Variants in CEP350 observed in about 807,000 individuals in gnomAD.
CEP350 encodes centrosome-associated protein 350.
Under a neutral mutation model 331.8 loss-of-function variants are expected in CEP350, and 126 were observed. That is an observed-to-expected ratio of 0.38 (90% CI 0.33 to 0.44). CEP350 has a LOEUF of 0.44. Ranked by LOEUF, CEP350 falls within the 20% of genes least tolerant of loss-of-function variation. The pLI, the probability that CEP350 is intolerant of heterozygous loss-of-function variation, is 1.00. For synonymous variants in CEP350, 1,200 were observed against 1,259.5 expected (o/e 0.95, Z 1.00); for missense variants, 3,406 against 3,634.6 (o/e 0.94, Z 1.62).
At chr1:179,962,541 C>T (rs1558063953) in intron 1 of CEP350, among the ~76,000 whole-genome samples, 1 of 152,146 alleles carries the variant, frequency 6.6e-6, no homozygotes, top group East Asian at 1.9e-4. Flanking sequence ...TCCTGAGTAG[C>T]TGGGATTACA....
chr1:179,984,059 G>A (rs963511555), intron 1 of CEP350, among the ~76,000 whole-genome samples: 1 of 152,164 alleles, frequency 6.6e-6, no homozygotes. Context: ...TGTATTTCAA[G>A]AGCAGCATGT....
In CEP350 at chr1:180,054,454, G is replaced by C. The variant is rs774049797; in HGVS notation, c.5214G>C (p.Pro1738=). The change falls in exon 25 of 38, where the codon CCG becomes CCC. Residue 1738 remains proline (P), a synonymous_variant. Coordinates refer to ENST00000367607, the MANE Select transcript of CEP350 (RefSeq NM_014810.5). The part of the protein sequence containing the change: ...RDKGEDDKMP[P]LRKKQRGLLL... ...AAGGAGAGGATGATAAAATGCCCCC[G>C]CTCCGGAAGAAACAGCGTGGTTTGC... The C allele has an allele frequency of 6.2e-7, 1 of 1,601,278 alleles. No homozygotes were observed. Among genetic ancestry groups the C allele is most frequent in the South Asian group, 1.1e-5 (1 of 88,286 alleles).
At chr1:180,054,949 A>G (rs1657725351) in intron 25 of CEP350, among the ~76,000 whole-genome samples, 1 of 152,172 alleles carries the variant, frequency 6.6e-6, no homozygotes, top group Non-Finnish European at 1.5e-5. Context: ...ATGGTGGTGT[A>G]GTGGTAAAGA....
At chr1:179,982,701 C>A (rs1210630479) in intron 1 of CEP350, among the ~76,000 whole-genome samples, 6 of 152,094 alleles carry the variant, frequency 3.9e-5, no homozygotes, top group Non-Finnish European at 7.4e-5. Context: ...AATTTTTTGT[C>A]TAATCATTGA....
intron 37 of CEP350, among the ~76,000 whole-genome samples, chr1:180,110,121 G>T (rs1661393337): frequency 6.6e-6 from 1 of 151,994 alleles, no homozygotes; most frequent in Non-Finnish European, 1.5e-5. Flanking sequence ...TATTACATTT[G>T]AAAAATACCC....
Position 180,053,946 on chromosome 1 carries a change from T to G in CEP350, c.5174+12T>G. On this transcript the variant is annotated intron_variant, in intron 24 of 37. Coordinates refer to ENST00000367607, the MANE Select transcript of CEP350 (RefSeq NM_014810.5). ...GAGCATCAAAAAAAGTAAGTTCTTTTGAGCAGTTTTCACTAATTTCTTCAT... is the reference window on the plus strand; with the variant it reads ...GAGCATCAAAAAAAGTAAGTTCTTTGGAGCAGTTTTCACTAATTTCTTCAT... 1 of 1,527,334 alleles carries G rather than the reference T, an allele frequency of 6.5e-7. No individual in the cohort carries two copies. The highest frequency in any genetic ancestry group is 8.8e-7 in the Non-Finnish European group (1 of 1,136,228). The allele number at this position is 1,527,334 out of a possible 1,614,324, so 94.6% of individuals were successfully genotyped here. A position where few individuals can be genotyped will look rare whatever the true frequency, so the allele number is the denominator to read the frequency against.
In CEP350 at chr1:180,031,259, A is replaced by G. The variant is rs573206355; in HGVS notation, c.3551-61A>G. On this transcript the variant is annotated intron_variant, in intron 14 of 37. Coordinates refer to ENST00000367607, the MANE Select transcript of CEP350 (RefSeq NM_014810.5). Reference sequence around the variant, plus strand: ...TTATTTTATTGAAATCTATATATCAATTATCTCTCTCAATAACTTCTAATA... The same window carrying G: ...TTATTTTATTGAAATCTATATATCAGTTATCTCTCTCAATAACTTCTAATA... 8.9e-5 allele frequency: 87 copies of G among 972,922 alleles called. 3 individuals carry two copies. In the South Asian group the frequency reaches 1.1e-3, roughly 13 times the overall value. 60.3% of individuals were successfully genotyped at this position (972,922 alleles called of 1,614,324 possible). A position where few individuals can be genotyped will look rare whatever the true frequency, so the allele number is the denominator to read the frequency against.
At chr1:180,044,896 G>GA (rs71118429) in intron 21 of CEP350, among the ~76,000 whole-genome samples, 82,583 of 145,468 alleles carry the variant, frequency 0.57, 24,885 homozygotes, top group East Asian at 0.72. Flanking sequence ...TTGATTATAG[G>GA]AAAAAAAAAA....
chr1:179,965,620 T>C (rs929911937), intron 1 of CEP350, among the ~76,000 whole-genome samples: 23 of 137,654 alleles, frequency 1.7e-4, no homozygotes, highest in African/African-American at 3.4e-4. Flanking sequence ...CTTTTCTTTT[T>C]TTTTTTTTTT....
At position 179,954,847 on chromosome 1, in the gene CEP350, C is replaced by G; in HGVS notation, c.-309C>G. The G allele has an allele frequency of 2.3e-6, 1 of 430,318 alleles. No homozygotes were observed. The highest frequency in any genetic ancestry group is 4.1e-6 in the Non-Finnish European group (1 of 245,784). 26.7% of individuals were successfully genotyped at this position (430,318 alleles called of 1,614,324 possible). On this transcript the variant is annotated 5_prime_UTR_variant, in exon 1 of 38. Transcript: ENST00000367607. ...GTAATGGCGACTGGGCCGCCCCTGACGAAGTGACTCCCGGGCCGGGGAGCG... is the reference window on the plus strand; with the variant it reads ...GTAATGGCGACTGGGCCGCCCCTGAGGAAGTGACTCCCGGGCCGGGGAGCG...
chr1:180,031,231 T>C, intron 14 of CEP350, 89 bp from the exon 15 acceptor site: 2 of 717,828 alleles, frequency 2.8e-6, no homozygotes, highest in East Asian at 3.1e-5. Flanking sequence ...TTTATACTTT[T>C]TGTTATTTTA....
intron 15 of CEP350, 104 bp downstream of exon 15, chr1:180,031,598 G>C: frequency 2.2e-6 from 1 of 457,044 alleles, no homozygotes; most frequent in Middle Eastern, 6.5e-4. Flanking sequence ...CCTTAACTGT[G>C]CATGTCTGAG....
chr1:180,061,646 T>G (rs1333276524), intron 25 of CEP350, among the ~76,000 whole-genome samples: 2 of 152,248 alleles, frequency 1.3e-5, no homozygotes, highest in Non-Finnish European at 2.9e-5. Context: ...TAGTCTTAAA[T>G]GTTTCTGGTA....
chr1:180,084,225 G>A (rs1340579937), intron 31 of CEP350, 47 bp downstream of exon 31: 1 of 1,453,724 alleles, frequency 6.9e-7, no homozygotes. Context: ...TAATGTGTAT[G>A]TGACGTCTAA....
At position 180,111,305 on chromosome 1, in the gene CEP350, A is replaced by G. The variant is rs1661458568; in HGVS notation, c.*144A>G. On this transcript the variant is annotated 3_prime_UTR_variant, in exon 38 of 38. Transcript: ENST00000367607. ...AGACTACCAGTATGGAGTTCATAGG[A>G]CAATGTGGTACACCTGGTATTACAG... 4 of 910,888 alleles carry G rather than the reference A, an allele frequency of 4.4e-6. No individual in the cohort carries two copies. The highest frequency in any genetic ancestry group is 6.5e-6 in the Non-Finnish European group (4 of 615,320). 56.4% of individuals were successfully genotyped at this position (910,888 alleles called of 1,614,324 possible).
chr1:180,098,136 AAT>A (rs1012708999), intron 36 of CEP350, among the ~76,000 whole-genome samples: 2 of 152,078 alleles, frequency 1.3e-5, no homozygotes, highest in Middle Eastern at 3.4e-3. Flanking sequence ...TCACCCAGCT[AAT>A]TTTGTATTTT....
intron 37 of CEP350, among the ~76,000 whole-genome samples, chr1:180,099,469 A>G (rs1182218113): frequency 6.6e-6 from 1 of 152,198 alleles, no homozygotes; most frequent in Non-Finnish European, 1.5e-5. Context: ...CTGTTACCTC[A>G]TCATCATCAC....
In CEP350 at chr1:179,986,165, G is replaced by T; in HGVS notation, c.-13-4G>T. On this transcript the variant is annotated splice_region_variant and splice_polypyrimidine_tract_variant and intron_variant, in intron 1 of 37. Transcript: ENST00000367607. ...ATGTTCGGTGAATACTGATGTGATT[G>T]CAGGTAAATTGGCAGGATGAGGAGC... 6.5e-7 allele frequency: 1 copy of T among 1,548,564 alleles called. No homozygotes were observed.
chr1:180,056,694 T>C (rs1320735114), intron 25 of CEP350, among the ~76,000 whole-genome samples: 1 of 151,954 alleles, frequency 6.6e-6, no homozygotes, highest in African/African-American at 2.4e-5. Context: ...ACTCCTGGAC[T>C]CAAGTGATCC....
Sources: allele counts gnomAD v4.1 joint callset (sites outside exome capture counted in the v4.1 genomes callset), GRCh38; gene constraint gnomAD v4.1.1; transcripts MANE v1.5; gene names NCBI Gene and HGNC (gene_info 2026-07-23, HGNC 2026-07-21).